NRXN1: variants seen among roughly 807,000 people sequenced by gnomAD.
NRXN1 encodes the protein neurexin-1.
A neutral mutation model predicts 150.9 loss-of-function variants in NRXN1; 39 were observed. That is an observed-to-expected ratio of 0.26 (90% CI 0.20 to 0.34). The LOEUF (loss-of-function observed/expected upper bound fraction) is 0.34. Ranked by LOEUF, NRXN1 falls within the 10% of genes least tolerant of loss-of-function variation. NRXN1 has a pLI of 1.00. For missense variants in NRXN1, 1,815 were observed against 1,949.9 expected (o/e 0.93, Z 1.30); for synonymous variants, 924 against 757.0 (o/e 1.22, Z -3.62).
At chr2:50,142,800 T>C (rs1374303387) in intron 18 of NRXN1, among the ~76,000 whole-genome samples, 3 of 151,744 alleles carry the variant, frequency 2.0e-5, no homozygotes, top group Admixed American at 6.6e-5. Flanking sequence ...AGGTTGGACT[T>C]AAGAGGTGTG....
chr2:50,165,473 C>T (rs1001598511), intron 18 of NRXN1, among the ~76,000 whole-genome samples: 3 of 152,160 alleles, frequency 2.0e-5, no homozygotes, highest in African/African-American at 4.8e-5. Context: ...CTCAGCCTCC[C>T]GACTAGGTGG....
chr2:50,630,569 A>C (rs963888669), intron 5 of NRXN1, among the ~76,000 whole-genome samples: 2 of 151,784 alleles, frequency 1.3e-5, no homozygotes, highest in African/African-American at 4.8e-5. Context: ...GGCAGAACGA[A>C]GTCCCACTGT....
At chr2:50,633,709 G>A (rs1279206270) in intron 5 of NRXN1, among the ~76,000 whole-genome samples, 1 of 151,994 alleles carries the variant, frequency 6.6e-6, no homozygotes, top group African/African-American at 2.4e-5. Flanking sequence ...AAAGAGCATA[G>A]AATCCAAAGG....
At chr2:50,377,574 T>C (rs963435797) in intron 17 of NRXN1, among the ~76,000 whole-genome samples, 4 of 152,182 alleles carry the variant, frequency 2.6e-5, no homozygotes, top group African/African-American at 9.7e-5. Context: ...TTGGGACTAG[T>C]TGATCTCCAA....
At chr2:50,746,258 T>C (rs892324564) in intron 5 of NRXN1, among the ~76,000 whole-genome samples, 5 of 151,970 alleles carry the variant, frequency 3.3e-5, no homozygotes, top group African/African-American at 1.2e-4. Context: ...CGTACTACTG[T>C]ATCAATGAAA....
intron 2 of NRXN1, among the ~76,000 whole-genome samples, chr2:50,951,550 A>C (rs1170682129): frequency 6.6e-6 from 1 of 152,162 alleles, no homozygotes; most frequent in East Asian, 1.9e-4. Context: ...AACCTGGAGG[A>C]GTTTAAAATA....
At chr2:50,242,699 G>T (rs1223274615) in intron 17 of NRXN1, among the ~76,000 whole-genome samples, 2 of 151,648 alleles carry the variant, frequency 1.3e-5, no homozygotes, top group African/African-American at 2.4e-5. Flanking sequence ...ATGTAAGGGT[G>T]CAAAGACAAA....
At chr2:50,837,860 A>C (rs1457155276) in intron 5 of NRXN1, among the ~76,000 whole-genome samples, 1 of 152,180 alleles carries the variant, frequency 6.6e-6, no homozygotes, top group Non-Finnish European at 1.5e-5. Context: ...AGAAAACTTG[A>C]ATAGAAATCT....
intron 17 of NRXN1, among the ~76,000 whole-genome samples, chr2:50,442,274 T>C (rs527463000): frequency 6.6e-6 from 1 of 152,290 alleles, no homozygotes; most frequent in East Asian, 1.9e-4. Context: ...TGGTCCTACA[T>C]GTTGCCTATC....
intron 5 of NRXN1, among the ~76,000 whole-genome samples, chr2:50,669,138 A>AAACAATGC (rs1449064302): frequency 6.6e-6 from 1 of 151,940 alleles, no homozygotes; most frequent in Non-Finnish European, 1.5e-5. Flanking sequence ...AAGAAATAAC[A>AAACAATGC]AACAATGCAT....
chr2:50,005,316 T>C (rs1292401291), intron 21 of NRXN1, among the ~76,000 whole-genome samples: 1 of 152,148 alleles, frequency 6.6e-6, no homozygotes, highest in Non-Finnish European at 1.5e-5. Context: ...AGCAGATTAT[T>C]TTTAAAGAAG....
At chr2:50,931,167 A>T (rs1262126441) in intron 2 of NRXN1, among the ~76,000 whole-genome samples, 2 of 152,058 alleles carry the variant, frequency 1.3e-5, no homozygotes, top group Non-Finnish European at 2.9e-5. Flanking sequence ...CACTAATAAG[A>T]CTAATGGTCT....
At chr2:50,319,909 A>G (rs140416924) in intron 17 of NRXN1, among the ~76,000 whole-genome samples, 1 of 152,176 alleles carries the variant, frequency 6.6e-6, no homozygotes, top group Non-Finnish European at 1.5e-5. Flanking sequence ...GTTCTAACTC[A>G]AGTTTCAGTC....
At chr2:50,636,786 C>T (rs1683293660) in intron 5 of NRXN1, among the ~76,000 whole-genome samples, 1 of 152,040 alleles carries the variant, frequency 6.6e-6, no homozygotes, top group Non-Finnish European at 1.5e-5. Flanking sequence ...TTCCACAACC[C>T]AGAAAACAAT....
intron 17 of NRXN1, among the ~76,000 whole-genome samples, chr2:50,391,871 T>C (rs1558652859): frequency 6.6e-6 from 1 of 152,164 alleles, no homozygotes; most frequent in Non-Finnish European, 1.5e-5. Flanking sequence ...TCTGTACAAT[T>C]CAGAGAGGTA....
chr2:50,167,583 G>T (rs1459983524), intron 18 of NRXN1, among the ~76,000 whole-genome samples: 1 of 151,358 alleles, frequency 6.6e-6, no homozygotes, highest in African/African-American at 2.4e-5. Flanking sequence ...ATTATCAATT[G>T]TTCCCCAATT....
At chr2:50,090,381 G>A (rs543853071) in intron 19 of NRXN1, among the ~76,000 whole-genome samples, 1 of 152,042 alleles carries the variant, frequency 6.6e-6, no homozygotes, top group Non-Finnish European at 1.5e-5. Context: ...AAATAGAAAT[G>A]TATTTTTATA....
At chr2:50,385,619 G>C (rs1268988983) in intron 17 of NRXN1, among the ~76,000 whole-genome samples, 1 of 152,124 alleles carries the variant, frequency 6.6e-6, no homozygotes, top group Admixed American at 6.6e-5. Flanking sequence ...CCACCACTTT[G>C]ATTTCTATCA....
At chr2:49,982,802 T>A (rs2152509918) in intron 21 of NRXN1, among the ~76,000 whole-genome samples, 1 of 152,232 alleles carries the variant, frequency 6.6e-6, no homozygotes, top group Non-Finnish European at 1.5e-5. Context: ...ACAATTTTCT[T>A]CCTTTGTATT....
Sources: gnomAD v4.1 joint callset for allele counts (sites outside exome capture counted in the v4.1 genomes callset) on GRCh38, gnomAD v4.1.1 for gene constraint, MANE v1.5 for transcripts, NCBI Gene and HGNC (gene_info 2026-07-23, HGNC 2026-07-21) for gene names.